The following NDE1 variants were observed in gnomAD, a reference collection of about 807,000 sequenced individuals.
NDE1 encodes the protein nudE neurodevelopment protein 1.
NDE1 carries 28 observed loss-of-function variants against 43.4 expected under a neutral mutation model. The ratio of observed to expected loss-of-function variants is 0.65; its 90% CI spans 0.48 to 0.89. NDE1 has a LOEUF of 0.89. Ranked by LOEUF, NDE1 falls within the 40% of genes least tolerant of loss-of-function variation. NDE1 has a pLI of 0.00. For synonymous variants in NDE1, 184 were observed against 172.0 expected (o/e 1.07, Z -0.55); for missense variants, 441 against 434.1 (o/e 1.02, Z -0.14).
At chr16:15,666,391 C>A (rs577256949) in intron 2 of NDE1, among the ~76,000 whole-genome samples, 75 of 152,044 alleles carry the variant, frequency 4.9e-4, no homozygotes, top group Non-Finnish European at 8.7e-4. Flanking sequence ...AGGCAGATCA[C>A]TTGAGCTCAG....
At chr16:15,712,895 T>TTTTTTTTTTTTTTTTTTTA (rs1567680276) in intron 8 of NDE1, 1 of 148,746 alleles carries the variant, frequency 6.7e-6, no homozygotes, top group Non-Finnish European at 1.5e-5. Flanking sequence ...TTTTTTTTTT[T>TTTTTTTTTTTTTTTTTTTA]GAGACCGAGT....
chr16:15,718,485 T>TA (rs1038440036), intron 8 of NDE1: 11 of 1,536,538 alleles, frequency 7.2e-6, no homozygotes, highest in African/African-American at 2.7e-5. Flanking sequence ...TCCCCCGCCT[T>TA]AAAAGATGCC....
At chr16:15,703,977 CTG>C (rs1265270356) in intron 8 of NDE1, 3 of 1,613,878 alleles carry the variant, frequency 1.9e-6, no homozygotes, top group African/African-American at 1.3e-5. Flanking sequence ...TGGTGCAAAA[CTG>C]TAGAAAGTTG....
chr16:15,660,220 A>G (rs2036976700), intron 1 of NDE1, among the ~76,000 whole-genome samples: 1 of 152,122 alleles, frequency 6.6e-6, no homozygotes, highest in Admixed American at 6.6e-5. Context: ...GCTCACACCT[A>G]GAATCCTAGT....
At position 15,667,255 on chromosome 16, in the gene NDE1, T is replaced by G. The variant is rs553522672; in HGVS notation, c.84-31T>G. On this transcript the variant is annotated intron_variant, in intron 2 of 8. Coordinates refer to ENST00000396354, the MANE Select transcript of NDE1 (RefSeq NM_017668.3). ...AGCGAGACTCTGTCTTCAAAAATAT[T>G]ACTACGTGATGATTAACAATTTTGC... The G allele has an allele frequency of 2.4e-5, 38 of 1,613,150 alleles. No individual in the cohort carries two copies. The South Asian group carries it at 4.0e-4, about 17-fold the overall frequency.
intron 4 of NDE1, among the ~76,000 whole-genome samples, chr16:15,683,100 G>A (rs1233368276): frequency 6.6e-6 from 1 of 151,960 alleles, no homozygotes; most frequent in Non-Finnish European, 1.5e-5. Flanking sequence ...TCCCATCTCG[G>A]CTTGCCAAAG....
intron 1 of NDE1, among the ~76,000 whole-genome samples, chr16:15,650,597 T>G (rs527993626): frequency 1.3e-5 from 2 of 152,346 alleles, no homozygotes; most frequent in African/African-American, 4.8e-5. Context: ...CTTTCTGCGT[T>G]GGTCTCTCTC....
At chr16:15,691,424 A>G in intron 6 of NDE1, 101 bp downstream of exon 6, 4 of 1,343,856 alleles carry the variant, frequency 3.0e-6, no homozygotes, top group African/African-American at 1.5e-5. Context: ...CATCAGGCTC[A>G]GAGCCTGATT....
rs190357077 is a variant in NDE1 at position 15,721,358 on chromosome 16, G to T, written c.948-2833G>T. The T allele has an allele frequency of 3.9e-5, 60 of 1,539,826 alleles. No individual in the cohort carries two copies. In the African/African-American group the frequency reaches 5.7e-4, roughly 15 times the overall value. On this transcript the variant is annotated intron_variant, in intron 8 of 8. Transcript: ENST00000396354. ...GCCAGGAGCTAGCCTCGCATGGACTGGTGAATAGCACAGAGGGTGGGCAGG... is the reference window on the plus strand; with the variant it reads ...GCCAGGAGCTAGCCTCGCATGGACTTGTGAATAGCACAGAGGGTGGGCAGG...
At chr16:15,701,489 A>T (rs1256357080) in intron 8 of NDE1, 1 of 152,196 alleles carries the variant, frequency 6.6e-6, no homozygotes, top group Non-Finnish European at 1.5e-5. Context: ...TGCAGCCACT[A>T]AGAACAGGAC....
chr16:15,718,490 G>T, intron 8 of NDE1: 1 of 1,536,008 alleles, frequency 6.5e-7, no homozygotes, highest in Non-Finnish European at 8.7e-7. Flanking sequence ...CGCCTTAAAA[G>T]ATGCCCCCTC....
Position 15,715,396 on chromosome 16 carries a change from TC to T in NDE1, c.948-8794del. The T allele has an allele frequency of 3.1e-5, 26 of 826,640 alleles. No homozygotes were observed. The South Asian group carries it at 3.6e-4, about 11-fold the overall frequency. 51.2% of individuals were successfully genotyped at this position (826,640 alleles called of 1,614,324 possible). A position where few individuals can be genotyped will look rare whatever the true frequency, so the allele number is the denominator to read the frequency against. ...CCCGTATCTGGACTCCTCTCAAGAA[TC>T]AGTCAGATGGTGGAATAGTATTCAG... On this transcript the variant is annotated intron_variant, in intron 8 of 8. Coordinates refer to ENST00000396354, the MANE Select transcript of NDE1 (RefSeq NM_017668.3).
At chr16:15,715,543 C>T (rs1314960029) in intron 8 of NDE1, among the ~76,000 whole-genome samples, 1 of 152,118 alleles carries the variant, frequency 6.6e-6, no homozygotes, top group African/African-American at 2.4e-5. Context: ...ATCAAGTGTC[C>T]AGAATAGATA....
chr16:15,690,922 C>A (rs547735824), intron 5 of NDE1, among the ~76,000 whole-genome samples: 2 of 152,166 alleles, frequency 1.3e-5, no homozygotes, highest in African/African-American at 4.8e-5. Context: ...ATTCTCATGC[C>A]TCATCCTCCT....
rs754800330 is a variant in NDE1 at position 15,717,220 on chromosome 16, G to C, written c.948-6971G>C. On this transcript the variant is annotated intron_variant, in intron 8 of 8. Transcript: ENST00000396354. ...CGATGGTGGACTTGAACTTGGACTT[G>C]ACGGCCCCCTCCATCTCGTGGAGCT... 3.7e-6 allele frequency: 6 copies of C among 1,614,078 alleles called. No homozygotes were observed. The East Asian group carries it at 8.9e-5, about 24-fold the overall frequency.
chr16:15,715,134 G>C, intron 8 of NDE1: 2 of 1,612,448 alleles, frequency 1.2e-6, no homozygotes, highest in African/African-American at 1.3e-5. Context: ...GGGGCTGGGG[G>C]CTCGAGGGAG....
rs1567660980 is a variant in NDE1 at position 15,696,944 on chromosome 16, ATG to A, written c.947+88_947+89del. The A allele has an allele frequency of 1.9e-6, 3 of 1,570,294 alleles. No individual in the cohort carries two copies. The Admixed American group carries it at 5.7e-5, about 30-fold the overall frequency. ...AGACACTCACCCCCAGCCCACAGCCATGTGTCTTTTTAAATTATAGGATTATT... is the reference window on the plus strand; with the variant it reads ...AGACACTCACCCCCAGCCCACAGCCATGTCTTTTTAAATTATAGGATTATT... On this transcript the variant is annotated intron_variant, in intron 8 of 8. Transcript: ENST00000396354.
At chr16:15,702,452 G>A (rs1596657652) in intron 8 of NDE1, among the ~76,000 whole-genome samples, 3 of 152,142 alleles carry the variant, frequency 2.0e-5, no homozygotes, top group African/African-American at 2.4e-5. Flanking sequence ...GTGCAGTGGC[G>A]TGATCATAGC....
chr16:15,662,589 C>T (rs2037103572), intron 1 of NDE1, among the ~76,000 whole-genome samples: 1 of 151,566 alleles, frequency 6.6e-6, no homozygotes, highest in African/African-American at 2.4e-5. Flanking sequence ...GGTCTCTTTT[C>T]TTTTTTAAAT....
Sources: allele counts gnomAD v4.1 joint callset (sites outside exome capture counted in the v4.1 genomes callset), GRCh38; gene constraint gnomAD v4.1.1; transcripts MANE v1.5; gene names NCBI Gene and HGNC (gene_info 2026-07-23, HGNC 2026-07-21).